The following COL24A1 variants were observed in gnomAD, a reference collection of about 807,000 sequenced individuals.
COL24A1 encodes the protein collagen alpha-1(XXIV) chain.
COL24A1 carries 224 observed loss-of-function variants against 253.9 expected under a neutral mutation model. That is an observed-to-expected ratio of 0.88 (90% CI 0.79 to 0.99). COL24A1 has a LOEUF of 0.99. Ranked by LOEUF, COL24A1 falls within the 50% of genes least tolerant of loss-of-function variation. The probability of loss-of-function intolerance (pLI) is 0.00; values close to 1 mark genes in which losing one functional copy is unlikely to be tolerated. For missense variants in COL24A1, 2,131 were observed against 2,068.5 expected, an observed-to-expected ratio of 1.03 and a Z score of -0.59; for synonymous variants, 685 against 673.7, an observed-to-expected ratio of 1.02 and a Z score of -0.26.
chr1:85,993,974 G>C (rs1694535342), intron 19 of COL24A1, among the ~76,000 whole-genome samples: 1 of 151,908 alleles, frequency 6.6e-6, no homozygotes. Flanking sequence ...AAACTTTTCT[G>C]ATATTTTGCA....
intron 37 of COL24A1, among the ~76,000 whole-genome samples, chr1:85,867,745 GTC>G (rs969510723): frequency 4.6e-5 from 7 of 151,796 alleles, no homozygotes; most frequent in Non-Finnish European, 8.8e-5. Context: ...CTCTCAGTCT[GTC>G]TCTCTCTCTC....
At chr1:85,799,447 A>G (rs963107185) in intron 47 of COL24A1, among the ~76,000 whole-genome samples, 30 of 151,204 alleles carry the variant, frequency 2.0e-4, no homozygotes, top group Non-Finnish European at 2.2e-4. Flanking sequence ...AAAATATTCC[A>G]AGGAACTTGC....
Position 85,784,928 on chromosome 1 carries a change from A to T in COL24A1, c.4060-562T>A, listed in dbSNP as rs1669527027. 2.0e-5 allele frequency among the ~76,000 whole-genome samples: 3 copies of T among 151,796 alleles called. No individual in the cohort carries two copies. The South Asian group carries it at 6.2e-4, about 32-fold the overall frequency. On this transcript the variant is annotated intron_variant, in intron 48 of 59. Coordinates refer to ENST00000370571, the MANE Select transcript of COL24A1 (RefSeq NM_152890.7). ...TATTTTTTTGTAGAGACAGGATCTC[A>T]CTATGTTGCCCAGGCTGGTCTTGAA... is the stretch of plus-strand genomic sequence containing the variant.
rs113065830 is a variant in COL24A1 at position 85,946,390 on chromosome 1, T to C, written c.2562+14859A>G. Among the ~76,000 whole-genome samples, 357 of 152,220 alleles carry C rather than the reference T, an allele frequency of 2.3e-3. 5 individuals carry two copies. Among genetic ancestry groups the C allele is most frequent in the African/African-American group, 8.2e-3 (339 of 41,536 alleles). On this transcript the variant is annotated intron_variant, in intron 24 of 59. Coordinates refer to ENST00000370571, the MANE Select transcript of COL24A1 (RefSeq NM_152890.7). The stretch of plus-strand genomic sequence containing the variant: ...TAATGAATCTTACTCATGGGTAAGA[T>C]TCATTCATATGCTGAGTCATGTGAG...
chr1:85,970,507 G>A (rs914572391), intron 21 of COL24A1, among the ~76,000 whole-genome samples: 2 of 143,700 alleles, frequency 1.4e-5, no homozygotes, highest in African/African-American at 5.1e-5. Flanking sequence ...AGAGACTGAA[G>A]ATGAACATAG....
At chr1:85,890,883 T>C (rs1223801332) in intron 31 of COL24A1, among the ~76,000 whole-genome samples, 1 of 152,134 alleles carries the variant, frequency 6.6e-6, no homozygotes, top group East Asian at 1.9e-4. Flanking sequence ...CTTTACACTC[T>C]TTGTAGTACC....
chr1:85,744,961 A>G, intron 56 of COL24A1, 127 bp from the exon 57 acceptor site: 1 of 664,000 alleles, frequency 1.5e-6, no homozygotes, highest in Non-Finnish European at 2.5e-6. Flanking sequence ...AACAGTTTAT[A>G]TTTAAGCATA....
At chr1:85,875,783 C>A (rs957665473) in intron 33 of COL24A1, among the ~76,000 whole-genome samples, 1 of 148,914 alleles carries the variant, frequency 6.7e-6, no homozygotes. Flanking sequence ...TCTTTTCCAG[C>A]CTTCTTTCAT....
rs368319068 is a variant in COL24A1, at chr1:86,124,845, G to A, written c.1491C>T (p.Pro497=). Residue 497 remains proline (P), a splice_region_variant and synonymous_variant, in exon 3 of 60, where the codon CCC becomes CCT. Coordinates refer to ENST00000370571, the MANE Select transcript of COL24A1 (RefSeq NM_152890.7). The part of the protein sequence containing the change: ...LRGPKGDTGP[P]GPPGPAGIPG... ...AGATATTAAAAAAAAAAAAACTTAC[G>A]GGAGGTCCAGTGTCTCCTTTTGGCC... 1.5e-5 allele frequency: 23 copies of A among 1,522,180 alleles called. No homozygotes were observed. In the South Asian group the frequency reaches 1.7e-4, roughly 11 times the overall value. The allele number at this position is 1,522,180 out of a possible 1,614,324, so 94.3% of individuals were successfully genotyped here. A position where few individuals can be genotyped will look rare whatever the true frequency, so the allele number is the denominator to read the frequency against.
chr1:85,939,767 C>A (rs939259896), intron 24 of COL24A1, among the ~76,000 whole-genome samples: 1 of 151,948 alleles, frequency 6.6e-6, no homozygotes, highest in African/African-American at 2.4e-5. Context: ...TATGTACTTG[C>A]AGAATTTTAC....
intron 57 of COL24A1, among the ~76,000 whole-genome samples, chr1:85,739,859 CT>C (rs1230621955): frequency 6.6e-6 from 1 of 152,136 alleles, no homozygotes; most frequent in Non-Finnish European, 1.5e-5. Context: ...CATATCCTAG[CT>C]TTTGTTATTA....
chr1:85,948,825 G>A (rs1363495797), intron 24 of COL24A1, among the ~76,000 whole-genome samples: 1 of 150,724 alleles, frequency 6.6e-6, no homozygotes, highest in Non-Finnish European at 1.5e-5. Flanking sequence ...ATGTACCCTA[G>A]AACTTAAAGT....
chr1:85,912,851 G>T (rs910972615), intron 24 of COL24A1, among the ~76,000 whole-genome samples: 2 of 152,180 alleles, frequency 1.3e-5, no homozygotes, highest in African/African-American at 4.8e-5. Context: ...CTTATAGAAA[G>T]AATGTAAAAT....
intron 37 of COL24A1, among the ~76,000 whole-genome samples, chr1:85,855,364 A>G (rs1046721259): frequency 2.6e-5 from 4 of 152,110 alleles, no homozygotes; most frequent in African/African-American, 7.2e-5. Flanking sequence ...CATAGATGAC[A>G]GTTATTATTT....
In COL24A1 at chr1:86,020,153, T is replaced by C. The variant is rs144050065; in HGVS notation, c.2256+2087A>G. On this transcript the variant is annotated intron_variant, in intron 18 of 59. Transcript: ENST00000370571. ...CGCAATCTTGACTTACTGCAACCTC[T>C]GCCTTCTGGATTCAAGCGATTCTCC... Among the ~76,000 whole-genome samples the C allele has an allele frequency of 9.7e-3, 1,349 of 139,034 alleles. 20 individuals carry two copies. Among genetic ancestry groups the C allele is most frequent in the African/African-American group, 0.034 (1,265 of 36,758 alleles). 91.2% of individuals were successfully genotyped at this position (139,034 alleles called of 152,430 possible).
In COL24A1 at chr1:85,818,055, A is replaced by C. The variant is rs377061650; in HGVS notation, c.3822T>G (p.Pro1274=). 58 of 1,613,784 alleles carry C rather than the reference A, an allele frequency of 3.6e-5. No individual in the cohort carries two copies. The highest frequency in any genetic ancestry group is 1.6e-4 in the East Asian group (7 of 44,872). ...GNKGKKGAPG[P]SGKPGIPGLQ... ...TTACAGGAATCCCAGGTTTCCCAGA[A>C]GGACCAGGAGCTCCTTTTTTCCCCT... Residue 1274 remains proline, a synonymous_variant, in exon 46 of 60, where the codon CCT becomes CCG. Transcript: ENST00000370571.
At chr1:85,943,207 C>T (rs1688921757) in intron 24 of COL24A1, among the ~76,000 whole-genome samples, 1 of 152,200 alleles carries the variant, frequency 6.6e-6, no homozygotes, top group Non-Finnish European at 1.5e-5. Context: ...CCCGCTATGT[C>T]CTGTGGCTTT....
At chr1:86,008,835 C>T (rs569409) in intron 19 of COL24A1, among the ~76,000 whole-genome samples, 27,598 of 151,738 alleles carry the variant, frequency 0.18, 3,191 homozygotes, top group African/African-American at 0.32. Context: ...AGTCTTTGGA[C>T]ACATAAACAA....
chr1:85,826,885 A>G (rs1004138842), intron 43 of COL24A1, among the ~76,000 whole-genome samples: 59 of 152,164 alleles, frequency 3.9e-4, no homozygotes, highest in Non-Finnish European at 1.6e-4. Flanking sequence ...GGACAATTTG[A>G]CTTCCTCTTT....
Sources: allele counts gnomAD v4.1 joint callset (sites outside exome capture counted in the v4.1 genomes callset), GRCh38; gene constraint gnomAD v4.1.1; transcripts MANE v1.5; gene names NCBI Gene and HGNC (gene_info 2026-07-23, HGNC 2026-07-21).